Variants in ZNF385B observed in about 807,000 individuals in gnomAD.
ZNF385B encodes zinc finger protein 533.
ZNF385B carries 23 observed loss-of-function variants against 39.2 expected under a neutral mutation model. The ratio of observed to expected loss-of-function variants is 0.59; its 90% CI spans 0.42 to 0.83. ZNF385B has a LOEUF of 0.83. Ranked by LOEUF, ZNF385B falls within the 40% of genes least tolerant of loss-of-function variation. The probability of loss-of-function intolerance (pLI) is 0.00; values close to 1 mark genes in which losing one functional copy is unlikely to be tolerated. For synonymous variants in ZNF385B, 205 were observed against 222.6 expected (o/e 0.92, Z 0.70); for missense variants, 552 against 598.9 (o/e 0.92, Z 0.82).
At chr2:179,450,458 T>G (rs182339162) in intron 6 of ZNF385B, among the ~76,000 whole-genome samples, 17 of 152,276 alleles carry the variant, frequency 1.1e-4, no homozygotes, top group African/African-American at 4.1e-4. Context: ...CAGACACTTC[T>G]CAAAAGAAGA....
At chr2:179,755,375 G>A (rs1372525851) in intron 3 of ZNF385B, among the ~76,000 whole-genome samples, 1 of 152,306 alleles carries the variant, frequency 6.6e-6, no homozygotes, top group Admixed American at 6.5e-5. Flanking sequence ...TTTGGAATAA[G>A]TGCAATGTGG....
intron 3 of ZNF385B, among the ~76,000 whole-genome samples, chr2:179,697,475 T>C (rs535035678): frequency 6.6e-5 from 10 of 152,278 alleles, no homozygotes; most frequent in African/African-American, 2.2e-4. Context: ...TGATTGTGAG[T>C]TTCCTGAGGC....
At chr2:179,555,267 C>T (rs576715367) in intron 3 of ZNF385B, among the ~76,000 whole-genome samples, 1 of 149,354 alleles carries the variant, frequency 6.7e-6, no homozygotes, top group South Asian at 2.1e-4. Flanking sequence ...TTATATAAAG[C>T]GTAAAACCAG....
At chr2:179,761,584 A>ATT (rs375660435) in intron 3 of ZNF385B, among the ~76,000 whole-genome samples, 8 of 145,810 alleles carry the variant, frequency 5.5e-5, no homozygotes, top group Non-Finnish European at 1.1e-4. Flanking sequence ...TATGCAATTG[A>ATT]TTTTTTTTTT....
chr2:179,499,439 A>T (rs2056557157), intron 5 of ZNF385B, among the ~76,000 whole-genome samples: 1 of 152,080 alleles, frequency 6.6e-6, no homozygotes, highest in South Asian at 2.1e-4. Flanking sequence ...TAGAAAGATC[A>T]TTCATCATGA....
intron 3 of ZNF385B, among the ~76,000 whole-genome samples, chr2:179,621,224 A>G (rs1175372998): frequency 6.6e-6 from 1 of 152,202 alleles, no homozygotes; most frequent in African/African-American, 2.4e-5. Flanking sequence ...CACAGGAAAC[A>G]AAGGCATACT....
chr2:179,844,853 C>T (rs1708719663), intron 1 of ZNF385B, among the ~76,000 whole-genome samples: 1 of 152,100 alleles, frequency 6.6e-6, no homozygotes, highest in South Asian at 2.1e-4. Flanking sequence ...ATACAAAGAG[C>T]GTTGGGTAAA....
rs537910546 is a variant in ZNF385B, at chr2:179,785,238, C to G, written c.-154-14566G>C. Among the ~76,000 whole-genome samples the G allele has an allele frequency of 1.2e-4, 19 of 152,130 alleles. No individual in the cohort carries two copies. In the South Asian group the frequency reaches 2.9e-3, roughly 23 times the overall value. On this transcript the variant is annotated intron_variant, in intron 1 of 9. Coordinates refer to ENST00000410066, the MANE Select transcript of ZNF385B (RefSeq NM_152520.6). ...GGAGGTTCAAAGGGAAGGTTAATGACTTGAAGTAAGCACAAAGCAGACTGA... is the reference window on the plus strand; with the variant it reads ...GGAGGTTCAAAGGGAAGGTTAATGAGTTGAAGTAAGCACAAAGCAGACTGA...
At chr2:179,584,419 A>C (rs1574903002) in intron 3 of ZNF385B, among the ~76,000 whole-genome samples, 1 of 152,308 alleles carries the variant, frequency 6.6e-6, no homozygotes, top group East Asian at 1.9e-4. Context: ...ATCGAACAAC[A>C]TGAGTCTAGG....
chr2:179,745,214 G>A (rs1702307989), intron 3 of ZNF385B, among the ~76,000 whole-genome samples: 1 of 151,992 alleles, frequency 6.6e-6, no homozygotes, highest in Non-Finnish European at 1.5e-5. Flanking sequence ...ATAATGTCTA[G>A]CTTCACAAGT....
At chr2:179,596,387 G>T (rs1688001758) in intron 3 of ZNF385B, among the ~76,000 whole-genome samples, 1 of 152,054 alleles carries the variant, frequency 6.6e-6, no homozygotes, top group African/African-American at 2.4e-5. Context: ...TCACTTTGTA[G>T]TCTCCCTGTT....
intron 3 of ZNF385B, among the ~76,000 whole-genome samples, chr2:179,664,108 CT>C (rs60114910): frequency 0.42 from 57,774 of 139,096 alleles, 11,905 homozygotes; most frequent in African/African-American, 0.52. Flanking sequence ...TTCTCTTTGG[CT>C]TTTTTTTTTT....
At chr2:179,794,370 C>T (rs915588400) in intron 1 of ZNF385B, among the ~76,000 whole-genome samples, 7 of 150,736 alleles carry the variant, frequency 4.6e-5, no homozygotes, top group Middle Eastern at 3.4e-3. Flanking sequence ...AATTTGTAAA[C>T]AGATTATCAG....
chr2:179,767,030 A>G (rs1394630128), intron 3 of ZNF385B, among the ~76,000 whole-genome samples: 2 of 152,146 alleles, frequency 1.3e-5, no homozygotes, highest in Non-Finnish European at 2.9e-5. Context: ...TCTGACCTCA[A>G]TCCCCCAGCA....
At chr2:179,569,560 G>T (rs564348528) in intron 3 of ZNF385B, among the ~76,000 whole-genome samples, 21 of 152,286 alleles carry the variant, frequency 1.4e-4, no homozygotes, top group African/African-American at 4.8e-4. Flanking sequence ...TGATAAGATA[G>T]CATATCTTAA....
At chr2:179,665,527 C>T (rs1695034983) in intron 3 of ZNF385B, among the ~76,000 whole-genome samples, 1 of 152,192 alleles carries the variant, frequency 6.6e-6, no homozygotes, top group East Asian at 1.9e-4. Flanking sequence ...TCCCCAGAAA[C>T]CTTTATAACC....
chr2:179,768,276 T>A (rs1374147957), intron 3 of ZNF385B, among the ~76,000 whole-genome samples: 1 of 152,078 alleles, frequency 6.6e-6, no homozygotes, highest in Non-Finnish European at 1.5e-5. Context: ...TTTTAATATA[T>A]AACTATAGGT....
intron 3 of ZNF385B, among the ~76,000 whole-genome samples, chr2:179,599,404 T>A (rs1025673556): frequency 2.0e-5 from 3 of 152,208 alleles, no homozygotes; most frequent in Non-Finnish European, 4.4e-5. Flanking sequence ...AAATGTTTAG[T>A]TTCAACTAAT....
chr2:179,739,377 T>C (rs990116872), intron 3 of ZNF385B, among the ~76,000 whole-genome samples: 22 of 152,160 alleles, frequency 1.4e-4, no homozygotes, highest in African/African-American at 5.3e-4. Context: ...AACAGGCTCC[T>C]CTAGAGGGAT....
Sources: allele counts gnomAD v4.1 joint callset (sites outside exome capture counted in the v4.1 genomes callset), GRCh38; gene constraint gnomAD v4.1.1; transcripts MANE v1.5; gene names NCBI Gene and HGNC (gene_info 2026-07-23, HGNC 2026-07-21).